Variants in REEP1 observed in about 807,000 individuals in gnomAD.
REEP1 encodes the protein receptor accessory protein 1.
Under a neutral mutation model 40.3 loss-of-function variants are expected in REEP1, and 22 were observed. That is an observed-to-expected ratio of 0.55 (90% CI 0.39 to 0.78). REEP1 has a LOEUF of 0.78. REEP1 is among the 30% of genes least tolerant of loss of function. The pLI, the probability that REEP1 is intolerant of heterozygous loss-of-function variation, is 0.00. For synonymous variants in REEP1, 116 were observed against 139.2 expected (o/e 0.83, Z 1.17); for missense variants, 280 against 361.1 (o/e 0.78, Z 1.82).
intron 7 of REEP1, among the ~76,000 whole-genome samples, chr2:86,225,927 G>A (rs1674657675): frequency 6.6e-6 from 1 of 152,166 alleles, no homozygotes; most frequent in South Asian, 2.1e-4. Flanking sequence ...TTAAGGTTAG[G>A]CAACTGGAGA....
At position 86,216,391 on chromosome 2, in the gene REEP1, C is replaced by T. The variant is rs528073057; in HGVS notation, c.*648G>A. 6.6e-6 allele frequency: 1 copy of T among 152,302 alleles called. No homozygotes were observed. The highest frequency in any genetic ancestry group is 2.4e-5 in the African/African-American group (1 of 41,572). The allele number at this position is 152,302 out of a possible 1,614,324, so 9.4% of individuals were successfully genotyped here. A position where few individuals can be genotyped will look rare whatever the true frequency, so the allele number is the denominator to read the frequency against. On this transcript the variant is annotated 3_prime_UTR_variant, in exon 9 of 9. Coordinates refer to ENST00000538924, the MANE Select transcript of REEP1 (RefSeq NM_001371279.1). ...CTTGTCTGGTCTTTTGACTAAACAACTATCTAAAGAATATAGACCACACTC... is the reference window on the plus strand; with the variant it reads ...CTTGTCTGGTCTTTTGACTAAACAATTATCTAAAGAATATAGACCACACTC...
intron 2 of REEP1, among the ~76,000 whole-genome samples, chr2:86,264,282 A>T (rs1452815117): frequency 6.6e-6 from 1 of 152,136 alleles, no homozygotes; most frequent in Non-Finnish European, 1.5e-5. Context: ...CCCTAAAGTG[A>T]GCCGGGGAGA....
intron 1 of REEP1, among the ~76,000 whole-genome samples, chr2:86,315,808 G>A (rs1469257539): frequency 6.6e-6 from 1 of 152,156 alleles, no homozygotes; most frequent in East Asian, 1.9e-4. Flanking sequence ...ATCCAGGGTG[G>A]GTCCTGGCTG....
At chr2:86,226,468 CTTTTTTTTTT>C (rs745419771) in intron 7 of REEP1, among the ~76,000 whole-genome samples, 1 of 24,848 alleles carries the variant, frequency 4.0e-5, no homozygotes, top group Non-Finnish European at 1.1e-4. Context: ...TTTTTCTTTT[CTTTTTTTTTT>C]TTTTTTTTTG....
intron 1 of REEP1, among the ~76,000 whole-genome samples, chr2:86,332,691 C>T (rs766425504): frequency 6.6e-6 from 1 of 152,198 alleles, no homozygotes; most frequent in Non-Finnish European, 1.5e-5. Context: ...AAATAAGACA[C>T]AGTGGGAAGA....
chr2:86,269,261 G>A (rs1040256715), intron 2 of REEP1, among the ~76,000 whole-genome samples: 6 of 152,084 alleles, frequency 3.9e-5, no homozygotes, highest in African/African-American at 9.7e-5. Context: ...CCAATTCTAG[G>A]CTCATAATAA....
At chr2:86,292,999 C>A (rs551844971) in intron 1 of REEP1, among the ~76,000 whole-genome samples, 24 of 152,344 alleles carry the variant, frequency 1.6e-4, no homozygotes, top group Admixed American at 1.4e-3. Flanking sequence ...CTGATCCCCA[C>A]AGAAGTCAGG....
intron 1 of REEP1, among the ~76,000 whole-genome samples, chr2:86,326,903 T>C (rs1292140736): frequency 2.6e-5 from 4 of 152,120 alleles, no homozygotes; most frequent in Admixed American, 1.3e-4. Context: ...TCTCTACCCA[T>C]ATAAAACAAG....
At position 86,257,358 on chromosome 2, in the gene REEP1, C is replaced by T. The variant is rs564729060; in HGVS notation, c.183-2544G>A. Among the ~76,000 whole-genome samples the T allele has an allele frequency of 6.6e-5, 10 of 152,226 alleles. No individual in the cohort carries two copies. The South Asian group carries it at 2.1e-3, about 32-fold the overall frequency. The stretch of plus-strand genomic sequence containing the variant: ...TATAGTTAAAAAAAATTCTAAAAGT[C>T]CAAAGGAGTATACAACGAAGAGTCT... On this transcript the variant is annotated intron_variant, in intron 3 of 8. Coordinates refer to ENST00000538924, the MANE Select transcript of REEP1 (RefSeq NM_001371279.1).
intron 5 of REEP1, among the ~76,000 whole-genome samples, chr2:86,246,238 T>C (rs1034424740): frequency 1.2e-4 from 18 of 152,210 alleles, no homozygotes; most frequent in African/African-American, 4.3e-4. Flanking sequence ...TGTTCTGTTT[T>C]TGTTTATTTT....
chr2:86,304,127 G>T (rs1201554319), intron 1 of REEP1, among the ~76,000 whole-genome samples: 3 of 152,162 alleles, frequency 2.0e-5, no homozygotes, highest in Non-Finnish European at 4.4e-5. Flanking sequence ...AAGGGAACCA[G>T]AGAGTTGAAG....
chr2:86,220,271 A>T (rs180830650), intron 7 of REEP1, 150 bp from the exon 8 acceptor site: 1 of 438,590 alleles, frequency 2.3e-6, no homozygotes, highest in Non-Finnish European at 3.8e-6. Context: ...GGAAGCACTG[A>T]TGTTTTGGGG....
chr2:86,317,210 G>C (rs1680058361), intron 1 of REEP1, among the ~76,000 whole-genome samples: 1 of 151,946 alleles, frequency 6.6e-6, no homozygotes, highest in Non-Finnish European at 1.5e-5. Flanking sequence ...TTGGTCAAAA[G>C]ACATAACAGC....
chr2:86,218,060 T>A (rs1174484491), intron 8 of REEP1, among the ~76,000 whole-genome samples: 1 of 152,076 alleles, frequency 6.6e-6, no homozygotes, highest in Non-Finnish European at 1.5e-5. Flanking sequence ...CTGTGCCCAT[T>A]CATGCCTCTA....
intron 1 of REEP1, among the ~76,000 whole-genome samples, chr2:86,323,534 T>C (rs7593440): frequency 0.62 from 94,663 of 152,072 alleles, 30,583 homozygotes; most frequent in African/African-American, 0.81. Flanking sequence ...CTATTGTGAA[T>C]TGCGCATGTG....
chr2:86,247,038 A>G (rs1481267413), intron 5 of REEP1, among the ~76,000 whole-genome samples: 2 of 152,084 alleles, frequency 1.3e-5, no homozygotes, highest in Admixed American at 6.5e-5. Context: ...GTTTTGCTTA[A>G]CAAATAAATT....
chr2:86,327,617 G>C (rs1294277642), intron 1 of REEP1, among the ~76,000 whole-genome samples: 3 of 151,428 alleles, frequency 2.0e-5, no homozygotes, highest in Non-Finnish European at 4.4e-5. Flanking sequence ...GCCCAGGCTG[G>C]AGTACAGTGG....
chr2:86,293,307 G>A lies in REEP1; in HGVS notation c.33-11065C>T, dbSNP rs150573705. 7.0e-4 allele frequency among the ~76,000 whole-genome samples: 107 copies of A among 152,310 alleles called. 3 individuals are homozygous for A. The South Asian group carries it at 0.013, about 18-fold the overall frequency. On this transcript the variant is annotated intron_variant, in intron 1 of 8. Transcript: ENST00000538924. ...AGTCACAACATGGCCGGGGTGCCAG[G>A]TGTATCAGAACAAGAAAGGTGGCAG...
At chr2:86,268,822 C>A (rs540936847) in intron 2 of REEP1, among the ~76,000 whole-genome samples, 2 of 152,142 alleles carry the variant, frequency 1.3e-5, no homozygotes, top group Non-Finnish European at 2.9e-5. Context: ...AATAGACCCA[C>A]GCAAGTATAG....
Sources: gnomAD v4.1 joint callset for allele counts (sites outside exome capture counted in the v4.1 genomes callset) on GRCh38, gnomAD v4.1.1 for gene constraint, MANE v1.5 for transcripts, NCBI Gene and HGNC (gene_info 2026-07-23, HGNC 2026-07-21) for gene names.